Variants in ADAM22 observed in about 807,000 individuals in gnomAD.
ADAM22 encodes the protein disintegrin and metalloproteinase domain-containing protein 22.
A neutral mutation model predicts 144.6 loss-of-function variants in ADAM22; 65 were observed. The ratio of observed to expected loss-of-function variants is 0.45; its 90% CI spans 0.37 to 0.55. ADAM22 has a LOEUF of 0.55. ADAM22 is among the 20% of genes least tolerant of loss of function. ADAM22 has a pLI of 0.00. For synonymous variants in ADAM22, 391 were observed against 412.6 expected (o/e 0.95, Z 0.63); for missense variants, 974 against 1,184.9 (o/e 0.82, Z 2.61).
intron 15 of ADAM22, among the ~76,000 whole-genome samples, chr7:88,143,809 C>A (rs936163322): frequency 7.2e-5 from 11 of 152,184 alleles, no homozygotes; most frequent in African/African-American, 2.7e-4. Flanking sequence ...TTTAATTTAC[C>A]TGGTTTAATT....
At position 87,964,441 on chromosome 7, in the gene ADAM22, A is replaced by G. The variant is rs112291329; in HGVS notation, c.247-13895A>G. On this transcript the variant is annotated intron_variant, in intron 2 of 31. Coordinates refer to ENST00000413139, the MANE Select transcript of ADAM22 (RefSeq NM_001324418.2). ...AAAGTTTAATGCTAAGGATTAGGTGACAAGATTGATCTTTTTTTATCACAG... is the reference window on the plus strand; with the variant it reads ...AAAGTTTAATGCTAAGGATTAGGTGGCAAGATTGATCTTTTTTTATCACAG... 5.7e-3 allele frequency among the ~76,000 whole-genome samples: 873 copies of G among 152,340 alleles called. 4 individuals carry two copies. Among genetic ancestry groups the G allele is most frequent in the African/African-American group, 0.02 (843 of 41,574 alleles).
At chr7:88,145,387 A>G in intron 16 of ADAM22, 28 bp from the exon 17 acceptor site, 1 of 1,580,984 alleles carries the variant, frequency 6.3e-7, no homozygotes, top group Non-Finnish European at 8.6e-7. Context: ...CCGTTTTCTG[A>G]TGTTTTGAAA....
rs1050502664 is a variant in ADAM22 at position 88,128,768 on chromosome 7, A to G, written c.753+92A>G. 52 of 962,780 alleles carry G rather than the reference A, an allele frequency of 5.4e-5. 1 individual carries two copies. In the Middle Eastern group the frequency reaches 6.5e-4, roughly 12 times the overall value. 59.6% of individuals were successfully genotyped at this position (962,780 alleles called of 1,614,324 possible). On this transcript the variant is annotated intron_variant, in intron 9 of 31. Transcript: ENST00000413139. ...TTTAGAAAAAACAAGAAGCCCATCAAGTTGTAACCTGGAGAAGGTATTTGT... is the reference window on the plus strand; with the variant it reads ...TTTAGAAAAAACAAGAAGCCCATCAGGTTGTAACCTGGAGAAGGTATTTGT...
chr7:88,098,174 A>G (rs1263851835), intron 4 of ADAM22, among the ~76,000 whole-genome samples: 1 of 152,224 alleles, frequency 6.6e-6, no homozygotes, highest in African/African-American at 2.4e-5. Context: ...TGTTTGACTT[A>G]GTAAAATGGA....
chr7:88,192,966 A>C, intron 30 of ADAM22, 150 bp from the exon 31 acceptor site: 1 of 855,522 alleles, frequency 1.2e-6, no homozygotes, highest in Non-Finnish European at 1.8e-6. Flanking sequence ...CACTGTTGAG[A>C]ATGACAGAAT....
chr7:88,116,827 T>C lies in ADAM22; in HGVS notation c.607+13T>C, dbSNP rs761919991. The C allele has an allele frequency of 3.8e-6, 6 of 1,591,968 alleles. No individual in the cohort carries two copies. In the East Asian group the frequency reaches 8.9e-5, roughly 24 times the overall value. On this transcript the variant is annotated intron_variant, in intron 7 of 31. Transcript: ENST00000413139. Reference sequence around the variant, plus strand: ...GATCTTCCATCTGGTATGATGTTCATATAGTGACTTTTTATCTAAAAGACA... The same window carrying C: ...GATCTTCCATCTGGTATGATGTTCACATAGTGACTTTTTATCTAAAAGACA...
chr7:88,190,617 G>T (rs958780212), intron 30 of ADAM22, among the ~76,000 whole-genome samples: 2 of 152,200 alleles, frequency 1.3e-5, no homozygotes, highest in Non-Finnish European at 2.9e-5. Context: ...AAGTGAATGA[G>T]CTGGGCTGGT....
At chr7:88,113,151 A>G (rs367902742) in intron 5 of ADAM22, among the ~76,000 whole-genome samples, 2 of 95,970 alleles carry the variant, frequency 2.1e-5, no homozygotes, top group Admixed American at 1.4e-4. Flanking sequence ...TTTTTGAGAC[A>G]GGGTCTCACT....
intron 3 of ADAM22, among the ~76,000 whole-genome samples, chr7:88,016,785 T>C (rs377363173): frequency 6.6e-6 from 1 of 151,970 alleles, no homozygotes; most frequent in African/African-American, 2.4e-5. Flanking sequence ...AGAAAGGTAG[T>C]GGGAAGGGAA....
intron 18 of ADAM22, among the ~76,000 whole-genome samples, 158 bp downstream of exon 18, chr7:88,149,215 C>T (rs1248797799): frequency 6.6e-6 from 1 of 152,138 alleles, no homozygotes; most frequent in African/African-American, 2.4e-5. Flanking sequence ...GTGATTGAAG[C>T]TTGAGCAGAT....
intron 15 of ADAM22, among the ~76,000 whole-genome samples, chr7:88,144,169 T>A (rs1835635424): frequency 6.6e-6 from 1 of 152,200 alleles, no homozygotes. Context: ...TTTATTTTGT[T>A]GTTTTTTTCC....
At chr7:88,098,977 T>A (rs184647359) in intron 4 of ADAM22, among the ~76,000 whole-genome samples, 1 of 152,206 alleles carries the variant, frequency 6.6e-6, no homozygotes, top group African/African-American at 2.4e-5. Context: ...TTTGAACATT[T>A]GTACCCTGGA....
intron 3 of ADAM22, among the ~76,000 whole-genome samples, chr7:88,010,698 A>G (rs1362034680): frequency 6.6e-6 from 1 of 152,122 alleles, no homozygotes; most frequent in African/African-American, 2.4e-5. Context: ...CTAGCAAGTG[A>G]TAGAACATTG....
Position 88,163,086 on chromosome 7 carries a change from T to C in ADAM22, c.1982T>C (p.Met661Thr). 2 of 1,612,392 alleles carry C rather than the reference T, an allele frequency of 1.2e-6. No homozygotes were observed. Among genetic ancestry groups the C allele is most frequent in the Non-Finnish European group, 1.7e-6 (2 of 1,179,094 alleles). Residue 661 changes from methionine to threonine, a missense_variant, in exon 23 of 32, where the codon ATG becomes ACG. Physicochemically the swap from Met to Thr is moderately conservative, Grantham distance 81 (BLOSUM62 -1). Transcript: ENST00000413139. ...VEDGTPCGPQMMCLEHRCLPV... is the reference protein window; with the variant it reads ...VEDGTPCGPQTMCLEHRCLPV... ...GATGGGACACCTTGTGGTCCCCAAATGATGTGCTTAGAACACAGGTGTCTT... is the reference window on the plus strand; with the variant it reads ...GATGGGACACCTTGTGGTCCCCAAACGATGTGCTTAGAACACAGGTGTCTT...
At chr7:87,993,654 T>C (rs1790430276) in intron 3 of ADAM22, among the ~76,000 whole-genome samples, 1 of 152,232 alleles carries the variant, frequency 6.6e-6, no homozygotes, top group East Asian at 1.9e-4. Context: ...GTGGTCACCC[T>C]GATATCTTGG....
chr7:88,080,176 C>T (rs1280622453), intron 4 of ADAM22, among the ~76,000 whole-genome samples: 1 of 152,152 alleles, frequency 6.6e-6, no homozygotes, highest in Non-Finnish European at 1.5e-5. Context: ...CAAACCAGAA[C>T]TCAGGATTAA....
At chr7:88,108,869 T>C (rs1825256365) in intron 5 of ADAM22, among the ~76,000 whole-genome samples, 1 of 152,084 alleles carries the variant, frequency 6.6e-6, no homozygotes, top group Non-Finnish European at 1.5e-5. Context: ...TTAAATAAAA[T>C]TAGAGCTGCA....
At chr7:88,140,874 A>G (rs1330107689) in intron 14 of ADAM22, among the ~76,000 whole-genome samples, 1 of 152,118 alleles carries the variant, frequency 6.6e-6, no homozygotes, top group Non-Finnish European at 1.5e-5. Context: ...TGAGAGTTTT[A>G]TTACTAGTCA....
intron 29 of ADAM22, chr7:88,184,448 C>A: frequency 6.1e-6 from 2 of 325,506 alleles, no homozygotes; most frequent in African/African-American, 2.2e-5. Flanking sequence ...ACTTAATCTC[C>A]TTACAAGTCC....
Sources: allele counts gnomAD v4.1 joint callset (sites outside exome capture counted in the v4.1 genomes callset), GRCh38; gene constraint gnomAD v4.1.1; transcripts MANE v1.5; gene names NCBI Gene and HGNC (gene_info 2026-07-23, HGNC 2026-07-21).